Variants in ELP1 observed in about 807,000 individuals in gnomAD.
ELP1 encodes elongator acetyltransferase complex subunit 1, also known as elongator complex protein 1.
A neutral mutation model predicts 183.2 loss-of-function variants in ELP1; 131 were observed. The observed-to-expected ratio is 0.72, with a 90% CI of 0.62 to 0.83. ELP1 has a LOEUF of 0.83. Among genes scored for constraint, ELP1 ranks in the 40% least tolerant of loss-of-function variants. The pLI is 0.00. For missense variants in ELP1, 1,550 were observed against 1,594.9 expected (o/e 0.97, Z 0.48); for synonymous variants, 555 against 569.0 (o/e 0.98, Z 0.35).
chr9:108,896,212 G>A (rs1261521589), intron 25 of ELP1, among the ~76,000 whole-genome samples: 1 of 151,980 alleles, frequency 6.6e-6, no homozygotes, highest in Admixed American at 6.6e-5. Flanking sequence ...AGCCGAGATC[G>A]CACCACTGCA....
chr9:108,872,072 G>T (rs1179373510), intron 36 of ELP1, among the ~76,000 whole-genome samples: 1 of 152,114 alleles, frequency 6.6e-6, no homozygotes, highest in Non-Finnish European at 1.5e-5. Flanking sequence ...CAACACTTGT[G>T]GTACTTCCTA....
chr9:108,918,505 A>C (rs1394822867), intron 8 of ELP1, among the ~76,000 whole-genome samples: 3 of 152,172 alleles, frequency 2.0e-5, no homozygotes, highest in African/African-American at 7.2e-5. Flanking sequence ...TGCTCTGTAC[A>C]ATGGCTTCAT....
At chr9:108,912,921 AT>A (rs11456399) in intron 10 of ELP1, among the ~76,000 whole-genome samples, 7,496 of 145,080 alleles carry the variant, frequency 0.052, 288 homozygotes, top group East Asian at 0.12. Flanking sequence ...CACCCGGCTA[AT>A]TTTTTTTTTT....
At position 108,867,839 on chromosome 9, in the gene ELP1, A is replaced by C. The variant is rs1292106563; in HGVS notation, c.*1276T>G. 6.6e-6 allele frequency: 1 copy of C among 152,258 alleles called. No homozygotes were observed. The highest frequency in any genetic ancestry group is 2.4e-5 in the African/African-American group (1 of 41,468). The allele number at this position is 152,258 out of a possible 1,614,324, so 9.4% of individuals were successfully genotyped here. The stretch of plus-strand genomic sequence containing the variant: ...TACTCCTAGATTGATTCTATAGTTA[A>C]CATCTTGCTATACTGGGAAAGGCTT... On this transcript the variant is annotated 3_prime_UTR_variant, in exon 37 of 37. Transcript: ENST00000374647.
At chr9:108,920,919 A>G (rs1333456725) in intron 6 of ELP1, among the ~76,000 whole-genome samples, 1 of 152,106 alleles carries the variant, frequency 6.6e-6, no homozygotes, top group Non-Finnish European at 1.5e-5. Flanking sequence ...TTAATACTAG[A>G]TAAGTCTTAC....
In ELP1 at chr9:108,899,903, A is replaced by C. The variant is rs1220473264; in HGVS notation, c.2131-8T>G. ...TAAGTTTCCCCTTGGCATCTTAAATAAATTAAAGCAGTAACATTTTTAATT... is the reference window on the plus strand; with the variant it reads ...TAAGTTTCCCCTTGGCATCTTAAATCAATTAAAGCAGTAACATTTTTAATT... On this transcript the variant is annotated splice_polypyrimidine_tract_variant and splice_region_variant and intron_variant, in intron 19 of 36. Transcript: ENST00000374647. 7 of 1,610,634 alleles carry C rather than the reference A, an allele frequency of 4.3e-6. No individual in the cohort carries two copies. The East Asian group carries it at 1.3e-4, about 31-fold the overall frequency.
chr9:108,896,493 T>C lies in ELP1; in HGVS notation c.2736+3A>G. The stretch of plus-strand genomic sequence containing the variant: ...ATGGCATAAAAGTAAGAACTCCACA[T>C]ACCTTCTGTGACTTCTCAGCTACCA... On this transcript the variant is annotated splice_donor_region_variant and intron_variant, in intron 25 of 36. Coordinates refer to ENST00000374647, the MANE Select transcript of ELP1 (RefSeq NM_003640.5). 6.2e-7 allele frequency: 1 copy of C among 1,613,944 alleles called. No homozygotes were observed. Among genetic ancestry groups the C allele is most frequent in the Non-Finnish European group, 8.5e-7 (1 of 1,179,844 alleles).
chr9:108,870,587 G>A (rs1827411196), intron 36 of ELP1, among the ~76,000 whole-genome samples: 1 of 152,032 alleles, frequency 6.6e-6, no homozygotes, highest in African/African-American at 2.4e-5. Flanking sequence ...AAACAGGTAG[G>A]GGAGGTTAAA....
chr9:108,872,827 A>AAAAC (rs1827534639), intron 36 of ELP1, among the ~76,000 whole-genome samples: 10 of 108,056 alleles, frequency 9.3e-5, no homozygotes, highest in East Asian at 3.2e-4. Context: ...AAAAAAAAAA[A>AAAAC]AAAAAAAAAA....
Position 108,911,001 on chromosome 9 carries a change from A to G in ELP1, c.1360+9T>C, listed in dbSNP as rs1430651692. ...TTCAGAACATCTTGGCAAAAGTTTT[A>G]TAACATACCACATTTATAAACAGAA... On this transcript the variant is annotated intron_variant, in intron 12 of 36. Transcript: ENST00000374647. 6.2e-7 allele frequency: 1 copy of G among 1,613,514 alleles called. No individual in the cohort carries two copies. The highest frequency in any genetic ancestry group is 8.5e-7 in the Non-Finnish European group (1 of 1,179,514).
intron 12 of ELP1, among the ~76,000 whole-genome samples, chr9:108,910,705 A>G (rs1829180952): frequency 6.6e-6 from 1 of 152,204 alleles, no homozygotes; most frequent in Non-Finnish European, 1.5e-5. Flanking sequence ...GGCTATGAAA[A>G]GAGTAAAACA....
rs768252666 is a variant in ELP1 at position 108,896,963 on chromosome 9, G to A, written c.2577C>T (p.His859=). 112 of 1,613,328 alleles carry A rather than the reference G, an allele frequency of 6.9e-5. No individual in the cohort carries two copies. In the Middle Eastern group the frequency reaches 1.2e-3, roughly 17 times the overall value. ...PELEIVLQKV[H]ELQGNAPSDP... is the part of the protein sequence containing the mutation. ...TGAGCGGATCTCTACCTTGAAGCTC[G>A]TGTACTTTTTGCAGTACAATTTCCA... Residue 859 remains histidine, a synonymous_variant, in exon 24 of 37, where the codon CAC becomes CAT. Coordinates refer to ENST00000374647, the MANE Select transcript of ELP1 (RefSeq NM_003640.5).
chr9:108,895,273 T>C (rs946785463), intron 25 of ELP1, among the ~76,000 whole-genome samples: 3 of 152,008 alleles, frequency 2.0e-5, no homozygotes, highest in Non-Finnish European at 2.9e-5. Flanking sequence ...AGACACACTG[T>C]AGTCTGCAGG....
At position 108,897,040 on chromosome 9, in the gene ELP1, T is replaced by C; in HGVS notation, c.2502-2A>G. The C allele has an allele frequency of 1.2e-6, 2 of 1,613,814 alleles. No individual in the cohort carries two copies. Among genetic ancestry groups the C allele is most frequent in the Non-Finnish European group, 1.7e-6 (2 of 1,179,720 alleles). On this transcript the variant is annotated splice_acceptor_variant, in intron 23 of 36. Transcript: ENST00000374647. LOFTEE classifies it high-confidence loss of function. Reference sequence around the variant, plus strand: ...GATGTAAGTATGGATAGGCAGTATCTGAGGTAATAAGTGAAGAACACCAGA... The same window carrying C: ...GATGTAAGTATGGATAGGCAGTATCCGAGGTAATAAGTGAAGAACACCAGA...
At chr9:108,905,028 G>C (rs1828965994) in intron 14 of ELP1, among the ~76,000 whole-genome samples, 1 of 152,264 alleles carries the variant, frequency 6.6e-6, no homozygotes, top group Non-Finnish European at 1.5e-5. Context: ...TAGAAACTTA[G>C]TAAATTGCTC....
At chr9:108,902,047 TA>T (rs1361993887) in intron 16 of ELP1, among the ~76,000 whole-genome samples, 1 of 152,216 alleles carries the variant, frequency 6.6e-6, no homozygotes, top group African/African-American at 2.4e-5. Flanking sequence ...ACTCTGTTAT[TA>T]AAAATCACAA....
chr9:108,879,004 A>G (rs965631652), intron 33 of ELP1, among the ~76,000 whole-genome samples: 3 of 152,238 alleles, frequency 2.0e-5, no homozygotes, highest in Non-Finnish European at 4.4e-5. Flanking sequence ...TGCACCTACC[A>G]TATGAGTGCT....
intron 12 of ELP1, among the ~76,000 whole-genome samples, 180 bp downstream of exon 12, chr9:108,910,830 T>A (rs201475122): frequency 2.8e-5 from 4 of 140,632 alleles, no homozygotes; most frequent in African/African-American, 7.9e-5. Context: ...AGTATAGGAT[T>A]AAAAAAAAAA....
In ELP1 at chr9:108,881,136, C is replaced by G. The variant is rs543724921; in HGVS notation, c.3346+569G>C. Among the ~76,000 whole-genome samples the G allele has an allele frequency of 7.0e-4, 106 of 152,292 alleles. 3 individuals carry two copies. In the South Asian group the frequency reaches 0.021, roughly 31 times the overall value. On this transcript the variant is annotated intron_variant, in intron 31 of 36. Coordinates refer to ENST00000374647, the MANE Select transcript of ELP1 (RefSeq NM_003640.5). ...TTGAAAAGGTAACTTTTAAAAAATA[C>G]TTTGAAACGTTGAAACCTACATAAA...
Sources: allele counts gnomAD v4.1 joint callset (sites outside exome capture counted in the v4.1 genomes callset), GRCh38; gene constraint gnomAD v4.1.1; transcripts MANE v1.5; gene names NCBI Gene and HGNC (gene_info 2026-07-23, HGNC 2026-07-21).